The following TRIO variants were observed in gnomAD, a reference collection of about 807,000 sequenced individuals.
TRIO encodes the protein trio Rho guanine nucleotide exchange factor.
Under a neutral mutation model 351.9 loss-of-function variants are expected in TRIO, and 58 were observed. The observed-to-expected ratio is 0.16, with a 90% confidence interval of 0.13 to 0.21. The LOEUF is 0.21. Among genes scored for constraint, TRIO ranks in the 10% least tolerant of loss-of-function variants. The pLI is 1.00. For missense variants in TRIO, 3,201 were observed against 4,027.8 expected, an observed-to-expected ratio of 0.79 and a Z score of 5.56; for synonymous variants, 1,758 against 1,595.7, an observed-to-expected ratio of 1.10 and a Z score of -2.42.
Position 14,372,145 on chromosome 5 carries a change from A to G in TRIO, c.3217-2084A>G, listed in dbSNP as rs75655317. Among the ~76,000 whole-genome samples, 226 of 149,486 alleles carry G rather than the reference A, an allele frequency of 1.5e-3. 4 individuals carry two copies. The East Asian group carries it at 0.042, about 28-fold the overall frequency. Reference sequence around the variant, plus strand: ...GTAATTACATCCTGTGGGGTCATTTAGCACCATCCACAATTTGTAGATTTT... The same window carrying G: ...GTAATTACATCCTGTGGGGTCATTTGGCACCATCCACAATTTGTAGATTTT... On this transcript the variant is annotated intron_variant, in intron 18 of 56. Coordinates refer to ENST00000344204, the MANE Select transcript of TRIO (RefSeq NM_007118.4).
Position 14,504,569 on chromosome 5 carries a change from C to T in TRIO, c.8588C>T (p.Thr2863Ile), listed in dbSNP as rs1757530600. The change falls in exon 55 of 57, where the codon ACC becomes ATC. Residue 2863 changes from threonine to isoleucine, a missense_variant. Transcript: ENST00000344204. ...VGLLDTFETP[T>I]SYILVLEMAD... ...CTCCTCGACACCTTTGAGACCCCCA[C>T]CAGCTACATCCTGGTCTTAGAAATG... 4 of 1,614,134 alleles carry T rather than the reference C, an allele frequency of 2.5e-6. No individual in the cohort carries two copies. The highest frequency in any genetic ancestry group is 3.4e-6 in the Non-Finnish European group (4 of 1,180,032).
chr5:14,145,678 T>A (rs542448897), intron 1 of TRIO, among the ~76,000 whole-genome samples: 12 of 152,342 alleles, frequency 7.9e-5, no homozygotes, highest in African/African-American at 2.9e-4. Context: ...AGAAAGGCTC[T>A]TCTGCGTTGG....
At chr5:14,173,179 AT>A (rs1789199536) in intron 1 of TRIO, among the ~76,000 whole-genome samples, 1 of 136,824 alleles carries the variant, frequency 7.3e-6, no homozygotes, top group African/African-American at 2.8e-5. Flanking sequence ...AGATGCTCAC[AT>A]TGTATGTTCC....
intron 18 of TRIO, among the ~76,000 whole-genome samples, chr5:14,372,480 CTG>C (rs1467841510): frequency 2.0e-5 from 3 of 152,102 alleles, no homozygotes; most frequent in South Asian, 2.1e-4. Context: ...GTGGTAATAA[CTG>C]TTTTTTAGGA....
intron 34 of TRIO, chr5:14,440,982 A>G (rs1488990197): frequency 6.6e-6 from 1 of 151,878 alleles, no homozygotes; most frequent in African/African-American, 2.4e-5. Context: ...GGGTATTCCC[A>G]CTTGTGAAAC....
At position 14,229,659 on chromosome 5, in the gene TRIO, A is replaced by G. The variant is rs1381309758; in HGVS notation, c.158-41166A>G. 5.3e-5 allele frequency among the ~76,000 whole-genome samples: 8 copies of G among 152,322 alleles called. No homozygotes were observed. In the East Asian group the frequency reaches 7.7e-4, roughly 15 times the overall value. The stretch of plus-strand genomic sequence containing the variant: ...GGTGGTTCTTCTCTTTGGTGATAGC[A>G]GTGTTGACTCTGTTGGACCAAGCTC... On this transcript the variant is annotated intron_variant, in intron 1 of 56. Transcript: ENST00000344204.
At chr5:14,479,396 C>G in intron 42 of TRIO, 46 bp downstream of exon 42, 1 of 1,512,790 alleles carries the variant, frequency 6.6e-7, no homozygotes, top group African/African-American at 1.4e-5. Context: ...ATCTTTTGTT[C>G]CAACTTATTT....
intron 7 of TRIO, among the ~76,000 whole-genome samples, chr5:14,299,367 A>G (rs1737658693): frequency 6.6e-6 from 1 of 152,214 alleles, no homozygotes; most frequent in East Asian, 1.9e-4. Context: ...AAGAAGCCAA[A>G]TAGGAGTGAA....
At chr5:14,258,463 C>A (rs996011962) in intron 1 of TRIO, among the ~76,000 whole-genome samples, 2 of 152,114 alleles carry the variant, frequency 1.3e-5, no homozygotes, top group Non-Finnish European at 2.9e-5. Context: ...AAACGATGTT[C>A]CCTGTGCTTT....
rs762850122 is a variant in TRIO, at chr5:14,297,284, G to A, written c.1368+21G>A. ...AAAAGGTCAGTGCCTTGAACCCCCAGCCCACGAGGTGGTAACCAGAATAGT... is the reference window on the plus strand; with the variant it reads ...AAAAGGTCAGTGCCTTGAACCCCCAACCCACGAGGTGGTAACCAGAATAGT... On this transcript the variant is annotated intron_variant, in intron 7 of 56. Coordinates refer to ENST00000344204, the MANE Select transcript of TRIO (RefSeq NM_007118.4). 2.5e-6 allele frequency: 4 copies of A among 1,607,716 alleles called. No individual in the cohort carries two copies. The South Asian group carries it at 3.3e-5, about 13-fold the overall frequency.
intron 34 of TRIO, among the ~76,000 whole-genome samples, chr5:14,456,667 G>A (rs1753335414): frequency 6.6e-6 from 1 of 152,168 alleles, no homozygotes; most frequent in Non-Finnish European, 1.5e-5. Context: ...AGTAATTTAA[G>A]ATCTTCCCAT....
In TRIO at chr5:14,156,419, GTA is replaced by G. The variant is rs200501048; in HGVS notation, c.157+12539_157+12540del. The stretch of plus-strand genomic sequence containing the variant: ...AGACAGAGCTAAGAAGTGTATGCGT[GTA>G]TGTGTGTGTATGTATGCATACACAT... On this transcript the variant is annotated intron_variant, in intron 1 of 56. Coordinates refer to ENST00000344204, the MANE Select transcript of TRIO (RefSeq NM_007118.4). 8.9e-3 allele frequency among the ~76,000 whole-genome samples: 1,350 copies of G among 152,278 alleles called. 14 individuals carry two copies. Among genetic ancestry groups the G allele is most frequent in the African/African-American group, 0.025 (1,046 of 41,536 alleles).
chr5:14,339,281 A>C (rs145323369), intron 11 of TRIO, among the ~76,000 whole-genome samples: 1 of 152,198 alleles, frequency 6.6e-6, no homozygotes, highest in East Asian at 1.9e-4. Flanking sequence ...GTTTGGGCTC[A>C]TTGGCTTTTG....
chr5:14,399,703 G>A (rs1336791058), intron 30 of TRIO, among the ~76,000 whole-genome samples: 2 of 152,172 alleles, frequency 1.3e-5, no homozygotes, highest in Non-Finnish European at 2.9e-5. Flanking sequence ...CATACCTGCT[G>A]CCATTTTGTG....
intron 2 of TRIO, among the ~76,000 whole-genome samples, chr5:14,278,368 T>G (rs563101776): frequency 1.3e-5 from 2 of 152,324 alleles, no homozygotes; most frequent in Non-Finnish European, 2.9e-5. Context: ...TTGCTTGACT[T>G]GTGAGCTACG....
rs139833933 is a variant in TRIO, at chr5:14,430,216, CAAAAAAA to C, written c.5203+10208_5203+10214del. Among the ~76,000 whole-genome samples, 19 of 118,522 alleles carry C rather than the reference CAAAAAAA, an allele frequency of 1.6e-4. 1 individual carries two copies. Among genetic ancestry groups the C allele is most frequent in the African/African-American group, 5.2e-4 (17 of 32,446 alleles). 77.8% of individuals were successfully genotyped at this position (118,522 alleles called of 152,430 possible). ...TTTTTTAATTTTTTTACCCAAATAG[CAAAAAAA>C]AAAAAAAAAAAATTGTCCTTTTTGA... On this transcript the variant is annotated intron_variant, in intron 34 of 56. Coordinates refer to ENST00000344204, the MANE Select transcript of TRIO (RefSeq NM_007118.4).
At chr5:14,362,159 A>G (rs765719156) in intron 13 of TRIO, among the ~76,000 whole-genome samples, 2 of 152,244 alleles carry the variant, frequency 1.3e-5, no homozygotes, top group Non-Finnish European at 2.9e-5. Context: ...CACAGAGGAC[A>G]GTACAGTGGA....
intron 6 of TRIO, among the ~76,000 whole-genome samples, chr5:14,295,552 C>A (rs1180747976): frequency 6.6e-6 from 1 of 152,234 alleles, no homozygotes; most frequent in Non-Finnish European, 1.5e-5. Flanking sequence ...CCCAAGGAGA[C>A]ATCTCTTCTC....
intron 10 of TRIO, among the ~76,000 whole-genome samples, chr5:14,333,711 G>A (rs576293355): frequency 3.3e-4 from 51 of 152,276 alleles, no homozygotes; most frequent in Non-Finnish European, 6.5e-4. Flanking sequence ...AGGATTGCAG[G>A]AAGAGCAAAG....
Sources: allele counts gnomAD v4.1 joint callset (sites outside exome capture counted in the v4.1 genomes callset), GRCh38; gene constraint gnomAD v4.1.1; transcripts MANE v1.5; gene names NCBI Gene and HGNC (gene_info 2026-07-23, HGNC 2026-07-21).